Variants in ARHGAP24 observed in about 807,000 individuals in gnomAD.
ARHGAP24 encodes the protein rho GTPase-activating protein 24.
Under a neutral mutation model 76.4 loss-of-function variants are expected in ARHGAP24, and 50 were observed. The ratio of observed to expected loss-of-function variants is 0.65; its 90% CI spans 0.52 to 0.83. ARHGAP24 has a LOEUF of 0.83. Among genes scored for constraint, ARHGAP24 ranks in the 40% least tolerant of loss-of-function variants. The pLI, the probability that ARHGAP24 is intolerant of heterozygous loss-of-function variation, is 0.00. For synonymous variants in ARHGAP24, 345 were observed against 323.3 expected (o/e 1.07, Z -0.72); for missense variants, 930 against 914.2 (o/e 1.02, Z -0.22).
intron 3 of ARHGAP24, among the ~76,000 whole-genome samples, chr4:85,849,888 G>A (rs1416849387): frequency 1.3e-5 from 2 of 152,022 alleles, no homozygotes; most frequent in Non-Finnish European, 2.9e-5. Flanking sequence ...ATGTTCATCG[G>A]GGATATTGGT....
chr4:85,758,060 G>A (rs969522237), intron 3 of ARHGAP24, among the ~76,000 whole-genome samples: 1 of 144,304 alleles, frequency 6.9e-6, no homozygotes, highest in African/African-American at 2.6e-5. Context: ...GAAGAAGAAG[G>A]GGGAAAAAAA....
intron 4 of ARHGAP24, 126 bp downstream of exon 4, chr4:85,923,896 TG>T (rs1289311696): frequency 7.2e-7 from 1 of 1,382,494 alleles, no homozygotes; most frequent in African/African-American, 1.4e-5. Context: ...AATTGTAAAT[TG>T]TTCAACATTA....
At chr4:85,528,272 G>T (rs1395474572) in intron 1 of ARHGAP24, among the ~76,000 whole-genome samples, 2 of 152,034 alleles carry the variant, frequency 1.3e-5, no homozygotes, top group Non-Finnish European at 2.9e-5. Context: ...ATAATACATT[G>T]TGCTTAATGT....
chr4:85,994,761 C>G lies in ARHGAP24; in HGVS notation c.1107C>G (p.Ser369Arg), dbSNP rs762866205. 68 of 1,613,948 alleles carry G rather than the reference C, an allele frequency of 4.2e-5. No individual in the cohort carries two copies. In the South Asian group the frequency reaches 5.6e-4, roughly 13 times the overall value. The change falls in exon 9 of 10, where the codon AGC (serine) becomes AGG (arginine). Residue 369 changes from serine to arginine, a missense_variant. Transcript: ENST00000395184. The part of the protein sequence containing the change: ...QNKENNNTKD[S>R]PSRQCSWDKS... Reference sequence around the variant, plus strand: ...AGGAGAACAATAACACCAAGGACAGCCCTAGTAGGCAGTGCTCCTGGGACA... The same window carrying G: ...AGGAGAACAATAACACCAAGGACAGGCCTAGTAGGCAGTGCTCCTGGGACA...
chr4:85,758,251 A>G (rs1726592944), intron 3 of ARHGAP24, among the ~76,000 whole-genome samples: 1 of 152,204 alleles, frequency 6.6e-6, no homozygotes. Context: ...CTTCCTGAAG[A>G]TAGCCGTGTA....
At chr4:85,914,866 G>A (rs1209771875) in intron 3 of ARHGAP24, among the ~76,000 whole-genome samples, 1 of 152,266 alleles carries the variant, frequency 6.6e-6, no homozygotes, top group South Asian at 2.1e-4. Context: ...ATTCTAGTCT[G>A]TATCAGCATT....
intron 2 of ARHGAP24, among the ~76,000 whole-genome samples, chr4:85,627,869 T>C (rs1276262240): frequency 6.6e-6 from 1 of 152,180 alleles, no homozygotes; most frequent in Non-Finnish European, 1.5e-5. Context: ...CGTAGGACCC[T>C]CCGAGCCAGG....
At chr4:85,934,889 C>T (rs560193738) in intron 4 of ARHGAP24, among the ~76,000 whole-genome samples, 7 of 152,278 alleles carry the variant, frequency 4.6e-5, no homozygotes, top group East Asian at 1.9e-4. Flanking sequence ...GCTTTATACG[C>T]GTTTGTAGTA....
intron 3 of ARHGAP24, among the ~76,000 whole-genome samples, chr4:85,760,677 TC>T: frequency 6.6e-6 from 1 of 152,266 alleles, no homozygotes; most frequent in South Asian, 2.1e-4. Context: ...ATAATTGCTA[TC>T]ATAACAAGAT....
intron 5 of ARHGAP24, among the ~76,000 whole-genome samples, chr4:85,950,584 C>T (rs1737553239): frequency 6.6e-6 from 1 of 151,930 alleles, no homozygotes; most frequent in African/African-American, 2.4e-5. Context: ...ATAGTGTCCA[C>T]GGAGGTTGAT....
At chr4:85,906,852 AGC>A (rs1734795016) in intron 3 of ARHGAP24, among the ~76,000 whole-genome samples, 1 of 152,134 alleles carries the variant, frequency 6.6e-6, no homozygotes, top group Admixed American at 6.5e-5. Context: ...TTTAAACAGG[AGC>A]TCATATCTTA....
intron 1 of ARHGAP24, among the ~76,000 whole-genome samples, chr4:85,564,566 G>T (rs79552615): frequency 6.6e-6 from 1 of 151,174 alleles, no homozygotes; most frequent in East Asian, 1.9e-4. Flanking sequence ...AAAAAAAAAA[G>T]ATTTTGTTTT....
At chr4:85,894,677 G>A (rs961925726) in intron 3 of ARHGAP24, among the ~76,000 whole-genome samples, 27 of 152,018 alleles carry the variant, frequency 1.8e-4, no homozygotes, top group Admixed American at 5.9e-4. Context: ...TGGACTTTGG[G>A]AGCCAGGTGA....
chr4:85,896,324 A>C (rs886073575), intron 3 of ARHGAP24, among the ~76,000 whole-genome samples: 13 of 152,336 alleles, frequency 8.5e-5, no homozygotes, highest in African/African-American at 3.1e-4. Flanking sequence ...TTATCTTAAA[A>C]GATTTCTCTT....
intron 2 of ARHGAP24, among the ~76,000 whole-genome samples, chr4:85,636,585 C>A (rs57288248): frequency 0.024 from 3,719 of 151,998 alleles, 163 homozygotes; most frequent in African/African-American, 0.085. Context: ...CACACACACT[C>A]AGTGCTAGCC....
chr4:85,676,912 T>G (rs1723000128), intron 2 of ARHGAP24, among the ~76,000 whole-genome samples: 1 of 151,920 alleles, frequency 6.6e-6, no homozygotes, highest in African/African-American at 2.4e-5. Flanking sequence ...AAGAAACAGG[T>G]GAGAGCAGGA....
At chr4:85,552,083 T>C (rs1398773964) in intron 1 of ARHGAP24, among the ~76,000 whole-genome samples, 1 of 152,180 alleles carries the variant, frequency 6.6e-6, no homozygotes, top group East Asian at 1.9e-4. Context: ...GGTTTGCTCT[T>C]GTTTCTCTAG....
chr4:85,507,981 GC>G (rs1223186482), intron 1 of ARHGAP24, among the ~76,000 whole-genome samples: 1 of 151,718 alleles, frequency 6.6e-6, no homozygotes, highest in Non-Finnish European at 1.5e-5. Context: ...TGCTGTCTCG[GC>G]CTATGAATAA....
At chr4:85,667,903 T>C (rs1301696403) in intron 2 of ARHGAP24, among the ~76,000 whole-genome samples, 1 of 152,214 alleles carries the variant, frequency 6.6e-6, no homozygotes, top group Admixed American at 6.5e-5. Flanking sequence ...GAAAAGGAAA[T>C]ACACTTAAAT....
Sources: allele counts gnomAD v4.1 joint callset (sites outside exome capture counted in the v4.1 genomes callset), GRCh38; gene constraint gnomAD v4.1.1; transcripts MANE v1.5; gene names NCBI Gene and HGNC (gene_info 2026-07-23, HGNC 2026-07-21).